Variants in FRMD4A observed in about 807,000 individuals in gnomAD.
FRMD4A encodes FERM domain containing 4A.
FRMD4A carries 29 observed loss-of-function variants against 129.1 expected under a neutral mutation model. The ratio of observed to expected loss-of-function variants is 0.22; its 90% CI spans 0.17 to 0.31. The LOEUF is 0.31. Ranked by LOEUF, FRMD4A falls within the 10% of genes least tolerant of loss-of-function variation. The pLI is 1.00. For missense variants in FRMD4A, 1,272 were observed against 1,375.8 expected, an observed-to-expected ratio of 0.92 and a Z score of 1.19; for synonymous variants, 634 against 571.6, an observed-to-expected ratio of 1.11 and a Z score of -1.56.
At chr10:13,654,187 C>T (rs1456829182) in intron 23 of FRMD4A, 2 of 578,528 alleles carry the variant, frequency 3.5e-6, no homozygotes, top group African/African-American at 1.9e-5. Context: ...TCCCAAGGAC[C>T]ACCGCCTACT....
At chr10:13,685,790 G>A (rs979545506) in intron 15 of FRMD4A, 4 of 185,416 alleles carry the variant, frequency 2.2e-5, no homozygotes, top group South Asian at 1.8e-4. Context: ...GCGACAGAGC[G>A]AGACCCTGTC....
intron 2 of FRMD4A, among the ~76,000 whole-genome samples, chr10:14,016,827 T>G (rs953395585): frequency 1.3e-5 from 2 of 152,190 alleles, no homozygotes; most frequent in Non-Finnish European, 2.9e-5. Flanking sequence ...GATCTAGCCA[T>G]AGAGAATGTC....
chr10:14,270,450 G>A (rs1845126703), intron 2 of FRMD4A, among the ~76,000 whole-genome samples: 1 of 152,164 alleles, frequency 6.6e-6, no homozygotes, highest in Admixed American at 6.5e-5. Context: ...CTATGATCTG[G>A]AGATTTCCAA....
chr10:14,114,860 C>A (rs1242092085), intron 2 of FRMD4A, among the ~76,000 whole-genome samples: 1 of 152,198 alleles, frequency 6.6e-6, no homozygotes, highest in East Asian at 1.9e-4. Context: ...GGGATTAGCA[C>A]ATGCTGAGGG....
chr10:13,850,779 G>A (rs1447052462), intron 3 of FRMD4A, among the ~76,000 whole-genome samples: 1 of 152,190 alleles, frequency 6.6e-6, no homozygotes, highest in Non-Finnish European at 1.5e-5. Flanking sequence ...ACTATCAGAG[G>A]ACCTATGCTC....
chr10:13,981,107 A>G (rs1007804663), intron 2 of FRMD4A, among the ~76,000 whole-genome samples: 1 of 152,182 alleles, frequency 6.6e-6, no homozygotes, highest in Admixed American at 6.5e-5. Flanking sequence ...TGCTTCTTGG[A>G]ATAATTTAAA....
At chr10:14,169,355 C>T (rs1841357630) in intron 2 of FRMD4A, among the ~76,000 whole-genome samples, 1 of 152,100 alleles carries the variant, frequency 6.6e-6, no homozygotes, top group Admixed American at 6.6e-5. Flanking sequence ...TTGATGTTAT[C>T]ACACAAATTA....
intron 6 of FRMD4A, among the ~76,000 whole-genome samples, chr10:13,776,363 A>G (rs763364749): frequency 2.0e-5 from 3 of 152,196 alleles, no homozygotes; most frequent in Non-Finnish European, 4.4e-5. Flanking sequence ...CTCCCACCTC[A>G]GCCTCCCAAA....
At chr10:13,649,152 A>C (rs1354554283) in intron 24 of FRMD4A, 1 of 152,224 alleles carries the variant, frequency 6.6e-6, no homozygotes, top group African/African-American at 2.4e-5. Context: ...GTTGGATCCT[A>C]AACAGTTTCT....
chr10:14,070,280 A>G (rs1056100407), intron 2 of FRMD4A, among the ~76,000 whole-genome samples: 12 of 152,224 alleles, frequency 7.9e-5, no homozygotes, highest in Admixed American at 7.9e-4. Flanking sequence ...TGCTCTCAGC[A>G]GTCTTCCTAG....
intron 2 of FRMD4A, among the ~76,000 whole-genome samples, chr10:14,071,005 A>T (rs1565227600): frequency 6.6e-6 from 1 of 152,234 alleles, no homozygotes; most frequent in Non-Finnish European, 1.5e-5. Flanking sequence ...GTGAATCTTC[A>T]GTAAGTATTC....
chr10:13,925,062 T>TAAA lies in FRMD4A; in HGVS notation c.46-66153_46-66151dup, dbSNP rs57484737. On this transcript the variant is annotated intron_variant, in intron 2 of 24. Coordinates refer to ENST00000357447, the MANE Select transcript of FRMD4A (RefSeq NM_018027.5). ...TCTGGTGACAGTGCGAGACTCCGTG[T>TAAA]AAAAAAAAAAAAAAAAAAAAGAATG... is the stretch of plus-strand genomic sequence containing the variant. 2.1e-3 allele frequency among the ~76,000 whole-genome samples: 216 copies of TAAA among 103,208 alleles called. 4 individuals are homozygous for TAAA. Among genetic ancestry groups the TAAA allele is most frequent in the South Asian group, 0.012 (33 of 2,686 alleles). 67.7% of individuals were successfully genotyped at this position (103,208 alleles called of 152,430 possible). A position where few individuals can be genotyped will look rare whatever the true frequency, so the allele number is the denominator to read the frequency against.
At chr10:13,693,496 C>T (rs190759248) in intron 15 of FRMD4A, 202 of 1,162,152 alleles carry the variant, frequency 1.7e-4, no homozygotes, top group Non-Finnish European at 2.7e-5. Context: ...GAGTAGAATG[C>T]AGTGTCTCCT....
chr10:14,164,008 G>T (rs1184775314), intron 2 of FRMD4A, among the ~76,000 whole-genome samples: 1 of 152,180 alleles, frequency 6.6e-6, no homozygotes, highest in Non-Finnish European at 1.5e-5. Flanking sequence ...GAGGCCAATG[G>T]CCCGTGTATT....
chr10:14,239,292 T>G (rs1279291642), intron 2 of FRMD4A, among the ~76,000 whole-genome samples: 2 of 152,170 alleles, frequency 1.3e-5, no homozygotes, highest in East Asian at 3.8e-4. Flanking sequence ...CCTTTTAAAT[T>G]GATAAAAACA....
intron 2 of FRMD4A, among the ~76,000 whole-genome samples, chr10:14,022,039 G>T (rs199942007): frequency 6.6e-6 from 1 of 152,232 alleles, no homozygotes; most frequent in Non-Finnish European, 1.5e-5. Context: ...CGATTGATAT[G>T]TATCTATTGA....
At chr10:13,975,123 CTATG>C (rs2095537115) in intron 2 of FRMD4A, among the ~76,000 whole-genome samples, 1 of 150,394 alleles carries the variant, frequency 6.6e-6, no homozygotes, top group Non-Finnish European at 1.5e-5. Flanking sequence ...CTGTGAGTCT[CTATG>C]TATGTACCTG....
intron 12 of FRMD4A, among the ~76,000 whole-genome samples, chr10:13,720,500 T>C (rs773106306): frequency 6.6e-5 from 10 of 151,988 alleles, no homozygotes; most frequent in Non-Finnish European, 1.5e-4. Flanking sequence ...GTAGCTACCA[T>C]GGACCTGGCA....
chr10:13,658,805 A>C (rs11818229), intron 21 of FRMD4A, among the ~76,000 whole-genome samples: 11,216 of 150,224 alleles, frequency 0.075, 1,233 homozygotes, highest in African/African-American at 0.24. Context: ...TCGCTTGAAC[A>C]CGGGAGGCAG....
Sources: allele counts gnomAD v4.1 joint callset (sites outside exome capture counted in the v4.1 genomes callset), GRCh38; gene constraint gnomAD v4.1.1; transcripts MANE v1.5; gene names NCBI Gene and HGNC (gene_info 2026-07-23, HGNC 2026-07-21).